Variants in NLGN1 observed in about 807,000 individuals in gnomAD.
The protein encoded by NLGN1 is neuroligin 1, also known as neuroligin-1.
Under a neutral mutation model 65.5 loss-of-function variants are expected in NLGN1, and 12 were observed. The ratio of observed to expected loss-of-function variants is 0.18; its 90% CI spans 0.12 to 0.30. The LOEUF (loss-of-function observed/expected upper bound fraction) is 0.30, where lower values mean the gene tolerates loss of function less well. Ranked by LOEUF, NLGN1 falls within the 10% of genes least tolerant of loss-of-function variation. NLGN1 has a pLI of 1.00. For missense variants in NLGN1, 750 were observed against 1,007.1 expected, an observed-to-expected ratio of 0.74 and a Z score of 3.46; for synonymous variants, 350 against 359.5, an observed-to-expected ratio of 0.97 and a Z score of 0.30.
At chr3:173,444,308 G>A (rs1218242898) in intron 2 of NLGN1, among the ~76,000 whole-genome samples, 1 of 152,110 alleles carries the variant, frequency 6.6e-6, no homozygotes, top group Non-Finnish European at 1.5e-5. Context: ...TATAACAGAA[G>A]GACAGCAGGT....
intron 3 of NLGN1, among the ~76,000 whole-genome samples, chr3:173,763,485 C>A (rs1402979336): frequency 6.6e-6 from 1 of 152,062 alleles, no homozygotes; most frequent in African/African-American, 2.4e-5. Flanking sequence ...TTTTGTATTA[C>A]AAATATAATT....
chr3:173,992,434 C>T (rs1187867478), intron 4 of NLGN1, among the ~76,000 whole-genome samples: 1 of 152,242 alleles, frequency 6.6e-6, no homozygotes, highest in East Asian at 1.9e-4. Flanking sequence ...TACTCCACCC[C>T]TTTCCCATGG....
At chr3:174,162,640 TG>T (rs972478782) in intron 4 of NLGN1, among the ~76,000 whole-genome samples, 5 of 151,928 alleles carry the variant, frequency 3.3e-5, no homozygotes, top group South Asian at 2.1e-4. Flanking sequence ...CTGAAGAAGC[TG>T]TTGGATTGCC....
At chr3:173,892,648 C>T (rs1045052418) in intron 4 of NLGN1, among the ~76,000 whole-genome samples, 6 of 151,884 alleles carry the variant, frequency 4.0e-5, no homozygotes, top group African/African-American at 1.5e-4. Context: ...TTTAGCACTA[C>T]CTACTGGAAC....
intron 3 of NLGN1, among the ~76,000 whole-genome samples, chr3:173,677,934 C>T (rs1763394215): frequency 6.6e-6 from 1 of 152,152 alleles, no homozygotes. Flanking sequence ...CATTCTTTGA[C>T]ACCATGACGT....
intron 3 of NLGN1, among the ~76,000 whole-genome samples, chr3:173,807,376 G>C (rs921326423): frequency 3.9e-5 from 6 of 151,932 alleles, no homozygotes; most frequent in Admixed American, 3.9e-4. Flanking sequence ...TTTCTTTTGC[G>C]TTTACTGTCA....
At chr3:174,085,445 C>G (rs1322924591) in intron 4 of NLGN1, among the ~76,000 whole-genome samples, 1 of 151,974 alleles carries the variant, frequency 6.6e-6, no homozygotes, top group African/African-American at 2.4e-5. Context: ...ACATAAGTAA[C>G]TTCATTCTTA....
chr3:173,647,259 C>A (rs1353934831), intron 3 of NLGN1, among the ~76,000 whole-genome samples: 2 of 151,870 alleles, frequency 1.3e-5, no homozygotes, highest in East Asian at 3.9e-4. Context: ...ATTGAAATAC[C>A]CTTTTTTCTG....
intron 3 of NLGN1, among the ~76,000 whole-genome samples, chr3:173,724,964 T>A (rs111359392): frequency 4.6e-5 from 7 of 150,960 alleles, no homozygotes; most frequent in Non-Finnish European, 8.8e-5. Context: ...TTCTCACTCA[T>A]AGGTGGGAAT....
chr3:173,493,276 C>T (rs1375936449), intron 2 of NLGN1, among the ~76,000 whole-genome samples: 4 of 151,706 alleles, frequency 2.6e-5, no homozygotes, highest in Non-Finnish European at 5.9e-5. Context: ...GAACCACAGT[C>T]CCTGCCTTCT....
chr3:173,586,619 A>G (rs952633399), intron 2 of NLGN1, among the ~76,000 whole-genome samples: 1 of 152,260 alleles, frequency 6.6e-6, no homozygotes, highest in South Asian at 2.1e-4. Context: ...ATTTCAGTAG[A>G]CGTTGTGTAG....
intron 3 of NLGN1, among the ~76,000 whole-genome samples, chr3:173,711,309 G>A (rs977469434): frequency 3.9e-5 from 6 of 152,256 alleles, no homozygotes; most frequent in African/African-American, 9.6e-5. Context: ...TCTGGTGAGA[G>A]TGAGAGAAAA....
intron 3 of NLGN1, among the ~76,000 whole-genome samples, chr3:173,632,549 A>T (rs960195780): frequency 6.6e-6 from 1 of 152,194 alleles, no homozygotes; most frequent in Non-Finnish European, 1.5e-5. Context: ...GCAGAAAAAA[A>T]TGGCCTTGGT....
intron 3 of NLGN1, among the ~76,000 whole-genome samples, chr3:173,629,514 T>C (rs1011979029): frequency 2.0e-5 from 3 of 152,154 alleles, no homozygotes; most frequent in East Asian, 3.8e-4. Flanking sequence ...GACATATTCT[T>C]TATTCAGAGA....
intron 1 of NLGN1, among the ~76,000 whole-genome samples, chr3:173,422,501 C>T (rs1715284476): frequency 6.6e-6 from 1 of 152,064 alleles, no homozygotes; most frequent in East Asian, 1.9e-4. Flanking sequence ...AGTAAGATTG[C>T]CAGGTCATAT....
At chr3:173,789,559 A>T (rs370729672) in intron 3 of NLGN1, among the ~76,000 whole-genome samples, 13 of 152,192 alleles carry the variant, frequency 8.5e-5, no homozygotes, top group African/African-American at 3.1e-4. Flanking sequence ...GTCTTGAACA[A>T]TGTCATATAG....
At chr3:173,771,110 T>C (rs1442296366) in intron 3 of NLGN1, among the ~76,000 whole-genome samples, 1 of 152,190 alleles carries the variant, frequency 6.6e-6, no homozygotes, top group Non-Finnish European at 1.5e-5. Context: ...CAGAGAAGTC[T>C]CATTTTCTCT....
chr3:173,814,386 G>A (rs530544381), intron 4 of NLGN1, among the ~76,000 whole-genome samples: 27 of 152,310 alleles, frequency 1.8e-4, no homozygotes, highest in South Asian at 2.1e-4. Flanking sequence ...ATTTTAGATT[G>A]AGTACTAAAA....
At chr3:173,631,439 T>C (rs975171915) in intron 3 of NLGN1, among the ~76,000 whole-genome samples, 1 of 152,158 alleles carries the variant, frequency 6.6e-6, no homozygotes, top group Non-Finnish European at 1.5e-5. Flanking sequence ...GGTGTGTGTG[T>C]ATCTGTGTGT....
Sources: gnomAD v4.1 joint callset for allele counts (sites outside exome capture counted in the v4.1 genomes callset) on GRCh38, gnomAD v4.1.1 for gene constraint, MANE v1.5 for transcripts, NCBI Gene and HGNC (gene_info 2026-07-23, HGNC 2026-07-21) for gene names.